Variants in ACAP3 observed in about 807,000 individuals in gnomAD.
ACAP3 encodes the protein arf-GAP with coiled-coil, ANK repeat and PH domain-containing protein 3.
A neutral mutation model predicts 104.1 loss-of-function variants in ACAP3; 56 were observed. The ratio of observed to expected loss-of-function variants is 0.54; its 90% CI spans 0.43 to 0.67. The LOEUF (loss-of-function observed/expected upper bound fraction) is 0.67. ACAP3 is among the 30% of genes least tolerant of loss of function. ACAP3 has a pLI of 0.00. For missense variants in ACAP3, 1,208 were observed against 1,174.9 expected, an observed-to-expected ratio of 1.03 and a Z score of -0.41; for synonymous variants, 628 against 496.2, an observed-to-expected ratio of 1.27 and a Z score of -3.53.
chr1:1,293,320 C>T lies in ACAP3; in HGVS notation c.*244G>A, dbSNP rs1017148029. Reference sequence around the variant, plus strand: ...GGGGTGACCTGAAGACAGAGGTTCCCCAGGTGGGGTGAGGGACACCCGACG... The same window carrying T: ...GGGGTGACCTGAAGACAGAGGTTCCTCAGGTGGGGTGAGGGACACCCGACG... On this transcript the variant is annotated 3_prime_UTR_variant, in exon 24 of 24. Coordinates refer to ENST00000354700, the MANE Select transcript of ACAP3 (RefSeq NM_030649.3). The T allele has an allele frequency of 1.9e-5, 6 of 312,422 alleles. No homozygotes were observed. The highest frequency in any genetic ancestry group is 2.8e-5 in the Non-Finnish European group (5 of 176,162). The allele number at this position is 312,422 out of a possible 1,614,324, so 19.4% of individuals were successfully genotyped here.
At chr1:1,304,186 GC>G (rs1369911238) in intron 1 of ACAP3, 43 bp from the exon 2 acceptor site, 1 of 1,549,186 alleles carries the variant, frequency 6.5e-7, no homozygotes, top group Non-Finnish European at 8.7e-7. Context: ...TGCAGCCTCA[GC>G]CCCCTCGGGG....
chr1:1,304,527 A>C, intron 1 of ACAP3: 3 of 303,238 alleles, frequency 9.9e-6, no homozygotes, highest in East Asian at 8.1e-5. Context: ...ACCCTGCGGC[A>C]CCTCCCCTCA....
At chr1:1,296,892 C>A (rs1326280088) in intron 14 of ACAP3, among the ~76,000 whole-genome samples, 2 of 152,200 alleles carry the variant, frequency 1.3e-5, no homozygotes, top group Non-Finnish European at 2.9e-5. Flanking sequence ...CGTACGTGTG[C>A]ACACCCTCAC....
chr1:1,302,149 T>TG (rs1641472382), intron 4 of ACAP3, 103 bp from the exon 5 acceptor site: 1 of 1,092,522 alleles, frequency 9.2e-7, no homozygotes, highest in African/African-American at 1.6e-5. Flanking sequence ...CAGGCCCAGA[T>TG]GCAGGGGCGG....
Position 1,296,285 on chromosome 1 carries a change from A to T in ACAP3, c.1338-5T>A. ...GAGCAGTGGACACCCAGGCTCCTGG[A>T]GAGCAGAGGTAGGGATGAGTCTGGG... On this transcript the variant is annotated splice_polypyrimidine_tract_variant and splice_region_variant and intron_variant, in intron 15 of 23. Transcript: ENST00000354700. 6.4e-7 allele frequency: 1 copy of T among 1,555,390 alleles called. No homozygotes were observed. The highest frequency in any genetic ancestry group is 8.7e-7 in the Non-Finnish European group (1 of 1,149,812).
intron 10 of ACAP3, 171 bp downstream of exon 10, chr1:1,299,174 A>C (rs116119245): frequency 0.023 from 19,467 of 849,486 alleles, 314 homozygotes; most frequent in South Asian, 0.033. Context: ...CCCCACGGGG[A>C]ATGTGGAGGT....
intron 10 of ACAP3, 172 bp downstream of exon 10, chr1:1,299,173 G>C: frequency 1.2e-6 from 1 of 847,392 alleles, no homozygotes; most frequent in South Asian, 1.7e-5. Flanking sequence ...ACCCCACGGG[G>C]AATGTGGAGG....
Position 1,298,513 on chromosome 1 carries a change from GAGGACCCCACCCCCGCCTA to G in ACAP3, c.863+35_863+53del, listed in dbSNP as rs1337450076. 3.6e-5 allele frequency: 38 copies of G among 1,060,262 alleles called. No individual in the cohort carries two copies. In the South Asian group the frequency reaches 4.9e-4, roughly 14 times the overall value. 65.7% of individuals were successfully genotyped at this position (1,060,262 alleles called of 1,614,324 possible). On this transcript the variant is annotated intron_variant, in intron 11 of 23. Transcript: ENST00000354700. The stretch of plus-strand genomic sequence containing the variant: ...CCACCTGAGGACCCCACCCCCGCCT[GAGGACCCCACCCCCGCCTA>G]AGGACCCCGCCCCCACCTGAGGAAG...
chr1:1,294,065 G>A, intron 22 of ACAP3, 25 bp downstream of exon 22: 2 of 1,543,610 alleles, frequency 1.3e-6, no homozygotes, highest in South Asian at 1.2e-5. Flanking sequence ...GGGGCACAGG[G>A]CGGGGCGTGG....
chr1:1,302,835 C>T (rs372924145), intron 4 of ACAP3, 87 bp downstream of exon 4: 5 of 885,220 alleles, frequency 5.6e-6, no homozygotes, highest in Admixed American at 2.3e-5. Context: ...CGTGCCCCCC[C>T]CAACCCGACG....
chr1:1,298,544 C>T (rs1207763278), intron 11 of ACAP3, 23 bp downstream of exon 11: 7 of 1,576,434 alleles, frequency 4.4e-6, no homozygotes, highest in Middle Eastern at 1.7e-4. Flanking sequence ...GGACCCCGCC[C>T]CCACCTGAGG....
chr1:1,298,163 G>T (rs375412987), intron 12 of ACAP3, 50 bp from the exon 13 acceptor site: 9 of 1,568,520 alleles, frequency 5.7e-6, no homozygotes, highest in Non-Finnish European at 6.9e-6. Flanking sequence ...ACCCGGCCCC[G>T]ACCACCCACT....
At position 1,303,083 on chromosome 1, in the gene ACAP3, C is replaced by G. The variant is rs1641521935; in HGVS notation, c.225+79G>C. ...GTGCAGACACCGGCCTGCTTCTGGC[C>G]TGGACGCCCTCAAGGGGCTGCCTCC... On this transcript the variant is annotated intron_variant, in intron 3 of 23. Coordinates refer to ENST00000354700, the MANE Select transcript of ACAP3 (RefSeq NM_030649.3). The surrounding 1 kb of genome is among the most constrained non-coding windows in gnomAD (Gnocchi z 4.0). 6.4e-7 allele frequency: 1 copy of G among 1,553,246 alleles called. No individual in the cohort carries two copies. Among genetic ancestry groups the G allele is most frequent in the Admixed American group, 1.9e-5 (1 of 51,736 alleles).
At chr1:1,298,135 C>A (rs1196633699) in intron 12 of ACAP3, 22 bp from the exon 13 acceptor site, 1 of 1,590,034 alleles carries the variant, frequency 6.3e-7, no homozygotes, top group Non-Finnish European at 8.6e-7. Flanking sequence ...ACCGCTGTGG[C>A]CCCTGCCCTC....
At chr1:1,295,590 G>A in intron 18 of ACAP3, 36 bp from the exon 19 acceptor site, 1 of 1,601,880 alleles carries the variant, frequency 6.2e-7, no homozygotes, top group African/African-American at 1.3e-5. Flanking sequence ...TGTGGAACAG[G>A]CCCGGGGTGG....
intron 1 of ACAP3, 157 bp from the exon 2 acceptor site, chr1:1,304,300 G>A (rs1641585940): frequency 1.1e-6 from 1 of 907,024 alleles, no homozygotes; most frequent in Non-Finnish European, 1.7e-6. Context: ...GGCAGGACTG[G>A]GACCAGGTTC....
chr1:1,294,062 A>G, intron 22 of ACAP3, 28 bp downstream of exon 22: 1 of 1,533,678 alleles, frequency 6.5e-7, no homozygotes, highest in South Asian at 1.2e-5. Context: ...GTCGGGGCAC[A>G]GGGCGGGGCG....
chr1:1,294,871 G>C (rs1641047877), intron 19 of ACAP3, 55 bp from the exon 20 acceptor site: 1 of 1,525,344 alleles, frequency 6.6e-7, no homozygotes. Context: ...ACTCCGTCCA[G>C]AGCCCTGGGG....
chr1:1,294,385 C>T lies in ACAP3; in HGVS notation c.2139+17G>A. On this transcript the variant is annotated intron_variant, in intron 21 of 23. Transcript: ENST00000354700. ...TGTGCACCTGTGTCCTGCGCGCAGCCCCCGTGGCTCGCTCACCCCTAGCAC... is the reference window on the plus strand; with the variant it reads ...TGTGCACCTGTGTCCTGCGCGCAGCTCCCGTGGCTCGCTCACCCCTAGCAC... 1 of 1,561,516 alleles carries T rather than the reference C, an allele frequency of 6.4e-7. No individual in the cohort carries two copies. Among genetic ancestry groups the T allele is most frequent in the Non-Finnish European group, 8.6e-7 (1 of 1,157,020 alleles).
Sources: gnomAD v4.1 joint callset for allele counts (sites outside exome capture counted in the v4.1 genomes callset) on GRCh38, gnomAD v4.1.1 for gene constraint, Gnocchi (gnomAD v3.1) non-coding constraint, MANE v1.5 for transcripts, NCBI Gene and HGNC (gene_info 2026-07-23, HGNC 2026-07-21) for gene names.